NELFA: variants seen among roughly 807,000 people sequenced by gnomAD.
NELFA encodes negative elongation factor complex member A.
Under a neutral mutation model 51.8 loss-of-function variants are expected in NELFA, and 35 were observed. That is an observed-to-expected ratio of 0.68 (90% CI 0.52 to 0.90). The LOEUF (loss-of-function observed/expected upper bound fraction) is 0.90. Among genes scored for constraint, NELFA ranks in the 40% least tolerant of loss-of-function variants. NELFA has a pLI of 0.00. For synonymous variants in NELFA, 417 were observed against 338.4 expected (o/e 1.23, Z -2.55); for missense variants, 658 against 746.4 (o/e 0.88, Z 1.38).
rs765938284 is a variant in NELFA, at chr4:1,985,844, G to A, written c.856C>T (p.Pro286Ser). Residue 286 changes from proline to serine, a missense_variant, in exon 7 of 11, where the codon CCG becomes TCG. Physicochemically the swap from Pro to Ser is moderately conservative, Grantham distance 74 (BLOSUM62 -1). Transcript: ENST00000382882. ...TCCACCACCGTTTCCTCCTTGGCCG[G>A]CTTCTCCACCACCTCCGCATCTGTG... ...KTLDAEVVEK[P>S]AKEETVVENA... 3 of 1,612,946 alleles carry A rather than the reference G, an allele frequency of 1.9e-6. No homozygotes were observed. Among genetic ancestry groups the A allele is most frequent in the African/African-American group, 2.7e-5 (2 of 74,918 alleles).
chr4:1,988,758 T>TA (rs1242637873), intron 3 of NELFA, among the ~76,000 whole-genome samples: 1 of 152,096 alleles, frequency 6.6e-6, no homozygotes, highest in East Asian at 1.9e-4. Context: ...CTGAAATGAT[T>TA]AAATATCTTT....
chr4:1,995,105 G>C (rs181263866), intron 1 of NELFA, among the ~76,000 whole-genome samples: 1 of 152,314 alleles, frequency 6.6e-6, no homozygotes, highest in East Asian at 1.9e-4. Context: ...TGCTGAGTGG[G>C]TCTCATCCAA....
intron 1 of NELFA, among the ~76,000 whole-genome samples, chr4:2,002,059 GCA>G (rs1728584722): frequency 3.3e-5 from 5 of 151,888 alleles, no homozygotes; most frequent in Non-Finnish European, 4.4e-5. Flanking sequence ...AATTAGCCAG[GCA>G]TGGTGGCGGG....
intron 1 of NELFA, among the ~76,000 whole-genome samples, chr4:2,006,773 A>AG (rs1198612721): frequency 1.2e-5 from 1 of 83,230 alleles, no homozygotes; most frequent in African/African-American, 4.3e-5. Flanking sequence ...TGTCTCAAAA[A>AG]AAAAAAAAAA....
In NELFA at chr4:1,983,233, G is replaced by T. The variant is rs1324674100; in HGVS notation, c.*86C>A. 2 of 1,419,294 alleles carry T rather than the reference G, an allele frequency of 1.4e-6. No individual in the cohort carries two copies. The highest frequency in any genetic ancestry group is 1.9e-6 in the Non-Finnish European group (2 of 1,040,908). The allele number at this position is 1,419,294 out of a possible 1,614,324, so 87.9% of individuals were successfully genotyped here. On this transcript the variant is annotated 3_prime_UTR_variant, in exon 11 of 11. Coordinates refer to ENST00000382882, the MANE Select transcript of NELFA (RefSeq NM_005663.5). ...GCGGCCGGGGGACCTCGGGGGCCAG[G>T]TGTCCGCCATCCGGTTACTTTAAGC...
chr4:1,994,809 T>C (rs372183458), intron 1 of NELFA, among the ~76,000 whole-genome samples: 5 of 144,118 alleles, frequency 3.5e-5, no homozygotes, highest in African/African-American at 1.3e-4. Context: ...GAGCCGAGAT[T>C]GCGTGCCCCA....
intron 1 of NELFA, among the ~76,000 whole-genome samples, chr4:1,999,165 G>C (rs940208098): frequency 6.6e-6 from 1 of 150,912 alleles, no homozygotes; most frequent in Non-Finnish European, 1.5e-5. Flanking sequence ...AATATGGAAA[G>C]AAAAACCAGT....
In NELFA at chr4:1,983,250, A is replaced by C; in HGVS notation, c.*69T>G. The C allele has an allele frequency of 4.0e-6, 6 of 1,500,626 alleles. No individual in the cohort carries two copies. Among genetic ancestry groups the C allele is most frequent in the South Asian group, 1.3e-5 (1 of 77,558 alleles). 93.0% of individuals were successfully genotyped at this position (1,500,626 alleles called of 1,614,324 possible). ...GGGGCCAGGTGTCCGCCATCCGGTT[A>C]CTTTAAGCTGGCAAAGCCATCGTCC... On this transcript the variant is annotated 3_prime_UTR_variant, in exon 11 of 11. Transcript: ENST00000382882.
chr4:2,008,328 G>A lies in NELFA; in HGVS notation c.210+422C>T, dbSNP rs1334928101. Among the ~76,000 whole-genome samples, 11 of 151,952 alleles carry A rather than the reference G, an allele frequency of 7.2e-5. No individual in the cohort carries two copies. The South Asian group carries it at 1.7e-3, about 23-fold the overall frequency. On this transcript the variant is annotated intron_variant, in intron 1 of 10. Coordinates refer to ENST00000382882, the MANE Select transcript of NELFA (RefSeq NM_005663.5). ...GATGAGTACCCGGGGGCCCAGGGAG[G>A]GGAGTGAGGACCTGGGGGTCGTAGC... is the stretch of plus-strand genomic sequence containing the variant.
At chr4:1,997,955 C>G (rs1232519129) in intron 1 of NELFA, among the ~76,000 whole-genome samples, 1 of 152,130 alleles carries the variant, frequency 6.6e-6, no homozygotes, top group Non-Finnish European at 1.5e-5. Context: ...GTTCTGCAGC[C>G]TCCTTTAGTG....
chr4:1,984,203 C>T (rs1297608868), intron 8 of NELFA, 90 bp from the exon 9 acceptor site: 24 of 1,367,204 alleles, frequency 1.8e-5, no homozygotes, highest in Non-Finnish European at 2.2e-5. Flanking sequence ...CTCAGCTCCC[C>T]TTCTCTGTCC....
rs1396948023 is a variant in NELFA, at chr4:1,983,603, G to A, written c.1395C>T (p.Gly465=). ...CCTGCCTTATGAACATACCTCGGGA[G>A]CCGGCCATGAAGCCCAGGATGAGGG... ...EKALILGFMA[G]SRENPCQEQG... is the part of the protein sequence containing the mutation. The change falls in exon 10 of 11, where the codon GGC becomes GGT. Residue 465 remains glycine (G), a synonymous_variant. Transcript: ENST00000382882. The A allele has an allele frequency of 5.6e-6, 9 of 1,614,018 alleles. No homozygotes were observed. Among genetic ancestry groups the A allele is most frequent in the Non-Finnish European group, 7.6e-6 (9 of 1,179,986 alleles).
intron 7 of NELFA, 87 bp downstream of exon 7, chr4:1,985,689 C>T: frequency 1.0e-6 from 1 of 968,852 alleles, no homozygotes; most frequent in Non-Finnish European, 1.6e-6. Context: ...TATATATATT[C>T]TCCGACAGAG....
Position 1,989,418 on chromosome 4 carries a change from C to T in NELFA, c.544+290G>A, listed in dbSNP as rs1728208237. ...TCACAGCTCACTGCAGCCTCAACCT[C>T]GTGGGCTCAGGTGATCCTCCTACCT... On this transcript the variant is annotated intron_variant, in intron 3 of 10. Transcript: ENST00000382882. The surrounding 1 kb of genome is among the most constrained non-coding windows in gnomAD (Gnocchi z 4.8). Among the ~76,000 whole-genome samples, 1 of 152,192 alleles carries T rather than the reference C, an allele frequency of 6.6e-6. No homozygotes were observed. The highest frequency in any genetic ancestry group is 1.5e-5 in the Non-Finnish European group (1 of 68,036).
rs113717027 is a variant in NELFA at position 1,993,578 on chromosome 4, CA to C, written c.211-1864del. ...GGGCAACAAGAGCGAAACTCCATCT[CA>C]AAAAAAAAAAAGAAAGAAAGAAAGA... On this transcript the variant is annotated intron_variant, in intron 1 of 10. Coordinates refer to ENST00000382882, the MANE Select transcript of NELFA (RefSeq NM_005663.5). Among the ~76,000 whole-genome samples, 124 of 109,734 alleles carry C rather than the reference CA, an allele frequency of 1.1e-3. No individual in the cohort carries two copies. In the Middle Eastern group the frequency reaches 0.015, roughly 14 times the overall value. The allele number at this position is 109,734 out of a possible 152,430, so 72.0% of individuals were successfully genotyped here.
In NELFA at chr4:1,990,313, C is replaced by A. The variant is rs570814059; in HGVS notation, c.383-444G>T. 71 of 440,134 alleles carry A rather than the reference C, an allele frequency of 1.6e-4. 2 individuals carry two copies. The highest frequency in any genetic ancestry group is 1.1e-3 in the South Asian group (70 of 61,366). 27.3% of individuals were successfully genotyped at this position (440,134 alleles called of 1,614,324 possible). A position where few individuals can be genotyped will look rare whatever the true frequency, so the allele number is the denominator to read the frequency against. ...GGAACCCTGGCCCTCATCCAAACTG[C>A]CCACATCCATTTCCTCAGCCTGTGT... On this transcript the variant is annotated intron_variant, in intron 2 of 10. Transcript: ENST00000382882.
At chr4:1,992,875 G>T (rs886105657) in intron 1 of NELFA, among the ~76,000 whole-genome samples, 62 of 152,216 alleles carry the variant, frequency 4.1e-4, no homozygotes, top group African/African-American at 1.4e-3. Flanking sequence ...CTGCCCTCAG[G>T]AGTCAAGAAC....
chr4:1,992,716 G>T (rs755497867), intron 1 of NELFA: 1 of 199,562 alleles, frequency 5.0e-6, no homozygotes, highest in Non-Finnish European at 1.0e-5. Flanking sequence ...GGTGGCCTCT[G>T]AGTGGGAGGA....
intron 1 of NELFA, among the ~76,000 whole-genome samples, chr4:2,006,019 A>C (rs538803177): frequency 1.4e-3 from 210 of 152,336 alleles, no homozygotes; most frequent in Middle Eastern, 3.4e-3. Flanking sequence ...GGAAGTGTGA[A>C]GGGACAAGAA....
Sources: gnomAD v4.1 joint callset for allele counts (sites outside exome capture counted in the v4.1 genomes callset) on GRCh38, gnomAD v4.1.1 for gene constraint, Gnocchi (gnomAD v3.1) non-coding constraint, MANE v1.5 for transcripts, NCBI Gene and HGNC (gene_info 2026-07-23, HGNC 2026-07-21) for gene names.